Variants in DISP1 observed in about 807,000 individuals in gnomAD.
DISP1 encodes the protein protein dispatched homolog 1.
A neutral mutation model predicts 37.3 loss-of-function variants in DISP1; 30 were observed. The ratio of observed to expected loss-of-function variants is 0.80; its 90% confidence interval spans 0.60 to 1.09. The LOEUF is 1.09. Ranked by LOEUF, DISP1 falls within the 50% of genes least tolerant of loss-of-function variation. DISP1 has a pLI of 0.00. For synonymous variants in DISP1, 634 were observed against 690.2 expected, an observed-to-expected ratio of 0.92 and a Z score of 1.28; for missense variants, 1,598 against 1,879.5, an observed-to-expected ratio of 0.85 and a Z score of 2.77.
At chr1:222,908,841 A>G (rs933841750) in intron 1 of DISP1, among the ~76,000 whole-genome samples, 1 of 151,788 alleles carries the variant, frequency 6.6e-6, no homozygotes, top group African/African-American at 2.4e-5. Flanking sequence ...AGATACCCTG[A>G]TTAATTTTTA....
chr1:222,960,620 C>CA (rs1370954696), intron 3 of DISP1, among the ~76,000 whole-genome samples: 21 of 151,712 alleles, frequency 1.4e-4, no homozygotes, highest in Non-Finnish European at 5.9e-5. Flanking sequence ...TGACTAAGAT[C>CA]AGAGCAGAAT....
intron 1 of DISP1, among the ~76,000 whole-genome samples, chr1:222,906,416 T>TA (rs1048167089): frequency 1.2e-4 from 18 of 151,916 alleles, no homozygotes; most frequent in Admixed American, 5.9e-4. Context: ...AGGGGCTGGG[T>TA]AAAAAAAACG....
chr1:222,947,275 T>C (rs116119904), intron 3 of DISP1, among the ~76,000 whole-genome samples: 1,551 of 152,262 alleles, frequency 0.01, 22 homozygotes, highest in African/African-American at 0.036. Context: ...TTGCCTTTTT[T>C]TTGTCTGGCT....
intron 3 of DISP1, among the ~76,000 whole-genome samples, chr1:222,958,802 A>G (rs1675813168): frequency 1.3e-5 from 2 of 152,282 alleles, no homozygotes; most frequent in South Asian, 4.2e-4. Context: ...TCAAAATGGG[A>G]AAAGATGAAC....
chr1:222,826,011 C>T (rs1011093140), intron 1 of DISP1, among the ~76,000 whole-genome samples: 5 of 152,162 alleles, frequency 3.3e-5, no homozygotes, highest in Non-Finnish European at 7.4e-5. Flanking sequence ...AGGCAATCCT[C>T]CTGCCTTACC....
intron 1 of DISP1, among the ~76,000 whole-genome samples, chr1:222,851,061 A>AT (rs971721526): frequency 0.11 from 13,877 of 127,354 alleles, 938 homozygotes; most frequent in Admixed American, 0.17. Flanking sequence ...TGCATTTTTA[A>AT]TTTTTTTTTT....
intron 3 of DISP1, among the ~76,000 whole-genome samples, chr1:222,968,032 G>A (rs1558058129): frequency 6.6e-6 from 1 of 151,750 alleles, no homozygotes; most frequent in African/African-American, 2.4e-5. Flanking sequence ...TTCTGCCCTG[G>A]GACTTGCCTG....
At chr1:222,954,408 G>A (rs1675444943) in intron 3 of DISP1, among the ~76,000 whole-genome samples, 1 of 152,150 alleles carries the variant, frequency 6.6e-6, no homozygotes, top group African/African-American at 2.4e-5. Context: ...CCTAAGGCCT[G>A]GGACCCATTC....
intron 2 of DISP1, among the ~76,000 whole-genome samples, chr1:222,939,782 A>C (rs1674242521): frequency 6.6e-6 from 1 of 151,428 alleles, no homozygotes; most frequent in African/African-American, 2.4e-5. Flanking sequence ...TGAGTAAGCC[A>C]AGATTACACC....
intron 1 of DISP1, among the ~76,000 whole-genome samples, chr1:222,858,488 G>C (rs1462876704): frequency 6.6e-6 from 1 of 152,060 alleles, no homozygotes; most frequent in South Asian, 2.1e-4. Flanking sequence ...ATGGGATCTA[G>C]TTAAACTAAA....
chr1:222,957,731 T>C (rs1204545211), intron 3 of DISP1, among the ~76,000 whole-genome samples: 12 of 152,138 alleles, frequency 7.9e-5, no homozygotes. Context: ...TAAGAGAAAA[T>C]GACGCCTCAA....
At chr1:222,857,672 C>T (rs534259557) in intron 1 of DISP1, among the ~76,000 whole-genome samples, 1 of 152,228 alleles carries the variant, frequency 6.6e-6, no homozygotes, top group African/African-American at 2.4e-5. Flanking sequence ...TGAATGAACT[C>T]CCATTCACAA....
intron 1 of DISP1, among the ~76,000 whole-genome samples, chr1:222,840,754 G>A (rs1196647525): frequency 2.6e-5 from 4 of 151,622 alleles, no homozygotes; most frequent in Non-Finnish European, 5.9e-5. Flanking sequence ...AGTAGAGATG[G>A]GGTTTCACAG....
intron 1 of DISP1, among the ~76,000 whole-genome samples, chr1:222,904,349 C>A (rs1376462462): frequency 6.6e-6 from 1 of 152,094 alleles, no homozygotes; most frequent in Non-Finnish European, 1.5e-5. Context: ...TAAGTCATTA[C>A]TAAGCCTTTT....
At chr1:222,913,769 A>G (rs1672338415) in intron 1 of DISP1, among the ~76,000 whole-genome samples, 1 of 151,926 alleles carries the variant, frequency 6.6e-6, no homozygotes, top group Admixed American at 6.6e-5. Flanking sequence ...AAAAGGAGTG[A>G]ATAAAATAGG....
At chr1:222,950,376 G>A (rs566813259) in intron 3 of DISP1, among the ~76,000 whole-genome samples, 5 of 152,262 alleles carry the variant, frequency 3.3e-5, no homozygotes, top group African/African-American at 9.6e-5. Flanking sequence ...CGAGGCAGGC[G>A]GATCATGAGG....
chr1:222,838,210 T>C (rs1334948119), intron 1 of DISP1, among the ~76,000 whole-genome samples: 2 of 152,172 alleles, frequency 1.3e-5, no homozygotes, highest in Admixed American at 1.3e-4. Context: ...TTGTTATAAT[T>C]ATGTATTGTT....
chr1:222,911,478 A>C (rs948796083), intron 1 of DISP1, among the ~76,000 whole-genome samples: 1 of 152,108 alleles, frequency 6.6e-6, no homozygotes, highest in African/African-American at 2.4e-5. Context: ...CCTCTTTTAC[A>C]GATGGAAGAA....
intron 1 of DISP1, among the ~76,000 whole-genome samples, chr1:222,815,548 G>A (rs1390365281): frequency 6.6e-6 from 1 of 152,152 alleles, no homozygotes; most frequent in Admixed American, 6.5e-5. Flanking sequence ...GAACCAGAAA[G>A]ATGACCAGCC....
Sources: gnomAD v4.1 joint callset for allele counts (sites outside exome capture counted in the v4.1 genomes callset) on GRCh38, gnomAD v4.1.1 for gene constraint, MANE v1.5 for transcripts, NCBI Gene and HGNC (gene_info 2026-07-23, HGNC 2026-07-21) for gene names.